The following EYS variants were observed in gnomAD, a reference collection of about 807,000 sequenced individuals.
EYS encodes EGF-like photoreceptor maintenance factor, also known as protein eyes shut homolog.
A neutral mutation model predicts 282.1 loss-of-function variants in EYS; 250 were observed. The ratio of observed to expected loss-of-function variants is 0.89; its 90% CI spans 0.80 to 0.98. The LOEUF (loss-of-function observed/expected upper bound fraction) is 0.98, where lower values mean the gene tolerates loss of function less well. Among genes scored for constraint, EYS ranks in the 50% least tolerant of loss-of-function variants. The pLI is 0.00. For synonymous variants in EYS, 1,355 were observed against 1,282.9 expected, an observed-to-expected ratio of 1.06 and a Z score of -1.20; for missense variants, 4,016 against 3,709.0, an observed-to-expected ratio of 1.08 and a Z score of -2.15.
intron 35 of EYS, among the ~76,000 whole-genome samples, chr6:63,884,056 G>A (rs114889122): frequency 0.016 from 2,475 of 152,118 alleles, 31 homozygotes; most frequent in Non-Finnish European, 0.024. Context: ...TAAGCTCCAG[G>A]AGAGCACAAC....
intron 41 of EYS, among the ~76,000 whole-genome samples, chr6:63,727,520 C>G (rs185215312): frequency 1.3e-5 from 2 of 149,596 alleles, no homozygotes; most frequent in Non-Finnish European, 3.0e-5. Context: ...ATCACCTGAT[C>G]GTGTTGCCAA....
intron 36 of EYS, among the ~76,000 whole-genome samples, chr6:63,837,134 A>G (rs886247974): frequency 2.6e-5 from 4 of 152,136 alleles, no homozygotes; most frequent in African/African-American, 9.6e-5. Flanking sequence ...ATTCAAAAAA[A>G]TATAGAAACA....
chr6:64,024,597 T>C (rs1262635881), intron 33 of EYS, among the ~76,000 whole-genome samples: 1 of 152,102 alleles, frequency 6.6e-6, no homozygotes, highest in African/African-American at 2.4e-5. Flanking sequence ...TGAATCTTGC[T>C]GCTCCTCACT....
chr6:65,611,073 A>G (rs1196967793), intron 2 of EYS, among the ~76,000 whole-genome samples: 1 of 151,998 alleles, frequency 6.6e-6, no homozygotes, highest in African/African-American at 2.4e-5. Flanking sequence ...TTTTGGCTTG[A>G]TAATTTAATA....
At chr6:65,681,943 T>A (rs368682030) in intron 1 of EYS, among the ~76,000 whole-genome samples, 7 of 152,020 alleles carry the variant, frequency 4.6e-5, no homozygotes, top group African/African-American at 1.7e-4. Flanking sequence ...CTGACTTTGG[T>A]AAGTGCCAAT....
At chr6:65,074,618 A>C (rs1187290692) in intron 12 of EYS, among the ~76,000 whole-genome samples, 2 of 152,082 alleles carry the variant, frequency 1.3e-5, no homozygotes, top group Non-Finnish European at 2.9e-5. Flanking sequence ...AGCAGTGAGA[A>C]AGTGAGTGCG....
chr6:65,371,840 G>C (rs1159550745), intron 8 of EYS, among the ~76,000 whole-genome samples: 2 of 151,302 alleles, frequency 1.3e-5, no homozygotes, highest in Non-Finnish European at 2.9e-5. Flanking sequence ...GACAGAGACA[G>C]AGAGAGATTT....
At chr6:64,854,805 G>A (rs1766003505) in intron 19 of EYS, among the ~76,000 whole-genome samples, 1 of 151,760 alleles carries the variant, frequency 6.6e-6, no homozygotes, top group Admixed American at 6.6e-5. Flanking sequence ...ATATCTGACA[G>A]TCTATTTCAA....
chr6:65,450,909 T>A (rs1052694600), intron 5 of EYS, among the ~76,000 whole-genome samples: 5 of 152,126 alleles, frequency 3.3e-5, no homozygotes, highest in African/African-American at 1.2e-4. Context: ...AAACTCACCC[T>A]TTTTTGGTAT....
At chr6:65,556,712 A>T (rs879682593) in intron 2 of EYS, among the ~76,000 whole-genome samples, 7 of 152,162 alleles carry the variant, frequency 4.6e-5, no homozygotes, top group Non-Finnish European at 8.8e-5. Context: ...TATCCTCAAA[A>T]TTTTCTTGTA....
In EYS at chr6:65,232,155, T is replaced by A. The variant is rs140398464; in HGVS notation, c.2023+63708A>T. ...GAAGTTCCAAGAGACATATTCCTAATCAGTCCAAGTTGCATATGTCTATGT... is the reference window on the plus strand; with the variant it reads ...GAAGTTCCAAGAGACATATTCCTAAACAGTCCAAGTTGCATATGTCTATGT... On this transcript the variant is annotated intron_variant, in intron 12 of 42. Transcript: ENST00000503581. 5.9e-5 allele frequency among the ~76,000 whole-genome samples: 9 copies of A among 152,168 alleles called. No individual in the cohort carries two copies. In the East Asian group the frequency reaches 1.3e-3, roughly 23 times the overall value.
chr6:65,081,932 C>T (rs1774240556), intron 12 of EYS, among the ~76,000 whole-genome samples: 1 of 152,012 alleles, frequency 6.6e-6, no homozygotes, highest in African/African-American at 2.4e-5. Context: ...GTGGGAATAC[C>T]ATGACTGATG....
chr6:64,950,322 A>G (rs1203789968), intron 14 of EYS, among the ~76,000 whole-genome samples: 2 of 151,982 alleles, frequency 1.3e-5, no homozygotes, highest in Non-Finnish European at 2.9e-5. Context: ...TATGCCACAT[A>G]GGTGAAGAGA....
intron 35 of EYS, among the ~76,000 whole-genome samples, chr6:63,953,796 C>T (rs530441342): frequency 6.6e-6 from 1 of 152,274 alleles, no homozygotes; most frequent in East Asian, 1.9e-4. Context: ...AAATACAGGG[C>T]TGTGCAATCA....
chr6:65,271,512 G>C (rs1327298442), intron 12 of EYS, among the ~76,000 whole-genome samples: 1 of 151,984 alleles, frequency 6.6e-6, no homozygotes, highest in Non-Finnish European at 1.5e-5. Context: ...CATCCTTAAA[G>C]ACATACCCAG....
intron 5 of EYS, among the ~76,000 whole-genome samples, chr6:65,417,167 G>T (rs1234100600): frequency 6.6e-6 from 1 of 151,880 alleles, no homozygotes; most frequent in South Asian, 2.1e-4. Flanking sequence ...TCATTGTAAA[G>T]TTGTAGTAAA....
intron 12 of EYS, among the ~76,000 whole-genome samples, chr6:65,165,873 G>A (rs1287448161): frequency 6.6e-6 from 1 of 150,778 alleles, no homozygotes; most frequent in Non-Finnish European, 1.5e-5. Flanking sequence ...ACCAAGAGTG[G>A]GTTTAGCAGG....
intron 31 of EYS, among the ~76,000 whole-genome samples, chr6:64,146,664 G>A (rs1348652678): frequency 2.6e-5 from 4 of 151,956 alleles, no homozygotes; most frequent in African/African-American, 9.7e-5. Context: ...TAGAAGGCTG[G>A]GACATTTACT....
intron 29 of EYS, among the ~76,000 whole-genome samples, chr6:64,387,420 A>C (rs1211310513): frequency 1.3e-5 from 2 of 152,122 alleles, no homozygotes; most frequent in Non-Finnish European, 2.9e-5. Flanking sequence ...ATTAATGTAT[A>C]CTCAATTAAA....
Sources: allele counts gnomAD v4.1 joint callset (sites outside exome capture counted in the v4.1 genomes callset), GRCh38; gene constraint gnomAD v4.1.1; transcripts MANE v1.5; gene names NCBI Gene and HGNC (gene_info 2026-07-23, HGNC 2026-07-21).